Variants in CTNNAL1 observed in about 807,000 individuals in gnomAD.
The protein encoded by CTNNAL1 is catenin alpha like 1, also known as alpha-catulin.
A neutral mutation model predicts 93.6 loss-of-function variants in CTNNAL1; 69 were observed. The ratio of observed to expected loss-of-function variants is 0.74; its 90% confidence interval spans 0.61 to 0.90. The LOEUF (loss-of-function observed/expected upper bound fraction) is 0.90, where lower values mean the gene tolerates loss of function less well. Ranked by LOEUF, CTNNAL1 falls within the 40% of genes least tolerant of loss-of-function variation. The pLI is 0.00. For missense variants in CTNNAL1, 836 were observed against 862.0 expected (o/e 0.97, Z 0.38); for synonymous variants, 286 against 305.4 (o/e 0.94, Z 0.66).
At chr9:108,975,841 C>T (rs1376699766) in intron 8 of CTNNAL1, among the ~76,000 whole-genome samples, 1 of 152,146 alleles carries the variant, frequency 6.6e-6, no homozygotes, top group East Asian at 1.9e-4. Context: ...ATACACTCTA[C>T]TGACGAAAAC....
chr9:108,957,167 G>A (rs1587950080), intron 11 of CTNNAL1, among the ~76,000 whole-genome samples: 2 of 145,598 alleles, frequency 1.4e-5, no homozygotes, highest in South Asian at 4.4e-4. Context: ...CACCCAGGCT[G>A]GAGTGTAGTG....
At chr9:109,007,413 T>G (rs897600054) in intron 1 of CTNNAL1, among the ~76,000 whole-genome samples, 3 of 152,042 alleles carry the variant, frequency 2.0e-5, no homozygotes, top group African/African-American at 7.2e-5. Flanking sequence ...CTTAGAAATT[T>G]AAGGGGTCTG....
intron 8 of CTNNAL1, 42 bp from the exon 9 acceptor site, chr9:108,972,875 A>T: frequency 6.8e-7 from 1 of 1,473,080 alleles, no homozygotes; most frequent in Non-Finnish European, 9.0e-7. Context: ...AGGGTGGAGA[A>T]GGAGAAGGGT....
chr9:109,010,233 A>G (rs765244006), intron 1 of CTNNAL1, among the ~76,000 whole-genome samples: 12 of 152,108 alleles, frequency 7.9e-5, no homozygotes, highest in Admixed American at 5.9e-4. Context: ...AGAAAAATGC[A>G]ATTGATTTTA....
At chr9:108,944,129 T>A in intron 15 of CTNNAL1, 111 bp from the exon 16 acceptor site, 1 of 1,084,234 alleles carries the variant, frequency 9.2e-7, no homozygotes, top group African/African-American at 1.6e-5. Context: ...AGCCTAGATA[T>A]AAAAAGTCTG....
At chr9:108,968,705 G>A (rs79246414) in intron 10 of CTNNAL1, among the ~76,000 whole-genome samples, 1,599 of 152,248 alleles carry the variant, frequency 0.011, 23 homozygotes, top group African/African-American at 0.036. Flanking sequence ...GTTCTCTACA[G>A]GAGAGCATGA....
intron 11 of CTNNAL1, among the ~76,000 whole-genome samples, chr9:108,957,631 G>C (rs1278217075): frequency 6.6e-6 from 1 of 152,128 alleles, no homozygotes; most frequent in Non-Finnish European, 1.5e-5. Context: ...ACTTAAAAAG[G>C]AAGAGGCTAT....
chr9:109,004,501 G>T (rs1457127795), intron 1 of CTNNAL1, among the ~76,000 whole-genome samples: 1 of 152,226 alleles, frequency 6.6e-6, no homozygotes, highest in South Asian at 2.1e-4. Context: ...TTAGTAAGAA[G>T]AGTTGGCTGG....
At chr9:108,963,059 A>G in intron 11 of CTNNAL1, among the ~76,000 whole-genome samples, 1 of 152,158 alleles carries the variant, frequency 6.6e-6, no homozygotes, top group East Asian at 1.9e-4. Flanking sequence ...TTTCTGTTTT[A>G]AGGAAAAAAA....
rs1830527422 is a variant in CTNNAL1, at chr9:108,950,432, G to C, written c.1835+1777C>G. The C allele has an allele frequency of 4.1e-6, 6 of 1,468,230 alleles. No homozygotes were observed. The South Asian group carries it at 5.3e-5, about 13-fold the overall frequency. 91.0% of individuals were successfully genotyped at this position (1,468,230 alleles called of 1,614,324 possible). A position where few individuals can be genotyped will look rare whatever the true frequency, so the allele number is the denominator to read the frequency against. ...AATGGTCTCCAATGATGGAAAATAT[G>C]ATAAGGTACTGACAAATGACAGCTA... On this transcript the variant is annotated intron_variant, in intron 14 of 18. Transcript: ENST00000325551.
chr9:108,948,643 G>A (rs967586373), intron 14 of CTNNAL1, among the ~76,000 whole-genome samples: 2 of 152,088 alleles, frequency 1.3e-5, no homozygotes, highest in Admixed American at 1.3e-4. Context: ...TTCAATTCTG[G>A]TAGTAACTCA....
intron 6 of CTNNAL1, among the ~76,000 whole-genome samples, chr9:108,981,464 C>CA (rs56666676): frequency 0.065 from 8,805 of 136,024 alleles, 910 homozygotes; most frequent in African/African-American, 0.23. Flanking sequence ...CTCTCCTCCT[C>CA]AAAAAAAAAA....
intron 3 of CTNNAL1, 91 bp from the exon 4 acceptor site, chr9:108,990,936 C>T: frequency 1.4e-6 from 2 of 1,448,286 alleles, no homozygotes; most frequent in East Asian, 4.8e-5. Flanking sequence ...AAGGAAAATT[C>T]TGAATTCTAG....
At position 108,999,090 on chromosome 9, in the gene CTNNAL1, G is replaced by A; in HGVS notation, c.308C>T (p.Ala103Val). 1 of 1,609,770 alleles carries A rather than the reference G, an allele frequency of 6.2e-7. No homozygotes were observed. Among genetic ancestry groups the A allele is most frequent in the Non-Finnish European group, 8.5e-7 (1 of 1,178,668 alleles). The change falls in exon 2 of 19, where the codon GCT (alanine) becomes GTT (valine). Residue 103 changes from alanine (A) to valine (V), a missense_variant. Physicochemically the swap from Ala to Val is moderately conservative, Grantham distance 64. Transcript: ENST00000325551. Reference sequence around the variant, plus strand: ...ACCTGCTTGTTTAGCTTCAATACAAGCAATATTTATTTCTTCTTTCAAATC... The same window carrying A: ...ACCTGCTTGTTTAGCTTCAATACAAACAATATTTATTTCTTCTTTCAAATC... ...NWDLKEEINI[A>V]CIEAKQAGET...
intron 11 of CTNNAL1, among the ~76,000 whole-genome samples, chr9:108,961,842 T>G (rs1200892806): frequency 3.9e-5 from 6 of 152,206 alleles, no homozygotes; most frequent in Non-Finnish European, 8.8e-5. Flanking sequence ...AGCCAATAAG[T>G]GGACCAACCA....
intron 10 of CTNNAL1, among the ~76,000 whole-genome samples, chr9:108,967,391 C>T (rs945459970): frequency 2.6e-5 from 4 of 152,000 alleles, no homozygotes; most frequent in Non-Finnish European, 5.9e-5. Flanking sequence ...TATTCACACA[C>T]ACATGTATAC....
At chr9:108,961,486 C>T (rs1830820482) in intron 11 of CTNNAL1, among the ~76,000 whole-genome samples, 1 of 152,318 alleles carries the variant, frequency 6.6e-6, no homozygotes, top group African/African-American at 2.4e-5. Flanking sequence ...GGCACTTTCC[C>T]AGTGAAACAA....
At chr9:109,003,000 A>C (rs1826898041) in intron 1 of CTNNAL1, among the ~76,000 whole-genome samples, 1 of 152,174 alleles carries the variant, frequency 6.6e-6, no homozygotes, top group Non-Finnish European at 1.5e-5. Context: ...TCTCAAAAAA[A>C]AAAATCTTCT....
intron 11 of CTNNAL1, among the ~76,000 whole-genome samples, chr9:108,964,902 G>A (rs908397465): frequency 7.3e-5 from 11 of 150,774 alleles, no homozygotes; most frequent in African/African-American, 2.4e-4. Flanking sequence ...TTGCTCTGTC[G>A]CCCAGGCTGG....
Sources: allele counts gnomAD v4.1 joint callset (sites outside exome capture counted in the v4.1 genomes callset), GRCh38; gene constraint gnomAD v4.1.1; transcripts MANE v1.5; gene names NCBI Gene and HGNC (gene_info 2026-07-23, HGNC 2026-07-21).